Variants in ARL13B observed in about 807,000 individuals in gnomAD.
ARL13B encodes ADP-ribosylation factor-like protein 13B.
In ARL13B, 36 loss-of-function variants were observed where a neutral mutation model predicts 56.1. The observed-to-expected ratio is 0.64, with a 90% CI of 0.49 to 0.85. The LOEUF is 0.85. Among genes scored for constraint, ARL13B ranks in the 40% least tolerant of loss-of-function variants. The pLI is 0.00. For missense variants in ARL13B, 519 were observed against 507.1 expected (o/e 1.02, Z -0.23); for synonymous variants, 178 against 171.1 (o/e 1.04, Z -0.32).
intron 3 of ARL13B, among the ~76,000 whole-genome samples, chr3:94,035,096 G>C (rs925167645): frequency 6.6e-6 from 1 of 151,990 alleles, no homozygotes; most frequent in Admixed American, 6.6e-5. Context: ...AATTAGCCTC[G>C]CGTGGTGGCA....
At chr3:94,050,717 T>C (rs904043332) in intron 8 of ARL13B, 107 bp from the exon 9 acceptor site, 9 of 880,276 alleles carry the variant, frequency 1.0e-5, no homozygotes, top group African/African-American at 8.4e-5. Context: ...TATATTTGAA[T>C]TGACATTGAA....
Position 94,036,548 on chromosome 3 carries a change from T to A in ARL13B, c.487-4T>A, listed in dbSNP as rs746795765. 6.2e-7 allele frequency: 1 copy of A among 1,613,974 alleles called. No individual in the cohort carries two copies. The highest frequency in any genetic ancestry group is 1.1e-5 in the South Asian group (1 of 91,058). On this transcript the variant is annotated splice_region_variant and splice_polypyrimidine_tract_variant and intron_variant, in intron 4 of 9. Coordinates refer to ENST00000394222, the MANE Select transcript of ARL13B (RefSeq NM_001174150.2). ...TCTTTTAGTCAAATAAATTTCTGTT[T>A]TAGGAACCATGTTCAGCAATCTCGG...
At chr3:94,012,389 C>T (rs1017109179) in intron 3 of ARL13B, among the ~76,000 whole-genome samples, 2 of 152,158 alleles carry the variant, frequency 1.3e-5, no homozygotes, top group African/African-American at 4.8e-5. Flanking sequence ...TCTGACTTTT[C>T]CCATGTCAGG....
intron 3 of ARL13B, among the ~76,000 whole-genome samples, chr3:94,004,712 ATTT>A (rs1282787312): frequency 6.6e-6 from 1 of 151,994 alleles, no homozygotes; most frequent in Non-Finnish European, 1.5e-5. Flanking sequence ...GTAAATGAAC[ATTT>A]TTAAATGAGG....
At chr3:94,014,472 CTCT>C (rs2076285190) in intron 3 of ARL13B, 2 of 1,606,216 alleles carry the variant, frequency 1.2e-6, no homozygotes, top group Admixed American at 1.7e-5. Flanking sequence ...GTCCAAATTT[CTCT>C]TTAGTATTGT....
intron 3 of ARL13B, chr3:94,014,968 T>G: frequency 6.2e-7 from 1 of 1,614,044 alleles, no homozygotes; most frequent in South Asian, 1.1e-5. Context: ...GTATTCTGCC[T>G]GAATTTTTAT....
intron 3 of ARL13B, among the ~76,000 whole-genome samples, chr3:94,006,894 T>G (rs2076145066): frequency 6.6e-6 from 1 of 152,130 alleles, no homozygotes; most frequent in Admixed American, 6.5e-5. Flanking sequence ...AGAAAAGATG[T>G]TCAGCAGAAC....
rs551525558 is a variant in ARL13B, at chr3:94,021,665, T to G, written c.381-13666T>G. Among the ~76,000 whole-genome samples, 6 of 152,318 alleles carry G rather than the reference T, an allele frequency of 3.9e-5. No individual in the cohort carries two copies. The South Asian group carries it at 1.2e-3, about 32-fold the overall frequency. ...ATAAGAACTAGTCTTCTTTTCAGTATAGAGAAAATTTGATGTTAAAGTAGG... is the reference window on the plus strand; with the variant it reads ...ATAAGAACTAGTCTTCTTTTCAGTAGAGAGAAAATTTGATGTTAAAGTAGG... On this transcript the variant is annotated intron_variant, in intron 3 of 9. Transcript: ENST00000394222.
At chr3:94,026,807 A>G (rs2107049662) in intron 3 of ARL13B, among the ~76,000 whole-genome samples, 1 of 152,164 alleles carries the variant, frequency 6.6e-6, no homozygotes, top group East Asian at 1.9e-4. Flanking sequence ...GCATTGCTAT[A>G]CAGTTTTGAA....
rs1246601589 is a variant in ARL13B at position 94,003,872 on chromosome 3, T to C, written c.344T>C (p.Leu115Pro). 1 of 1,613,412 alleles carries C rather than the reference T, an allele frequency of 6.2e-7. No homozygotes were observed. The highest frequency in any genetic ancestry group is 1.1e-5 in the South Asian group (1 of 91,068). Residue 115 changes from leucine (L) to proline (P), a missense_variant, in exon 3 of 10, where the codon CTA becomes CCA. Physicochemically the swap from Leu to Pro is moderately conservative, Grantham distance 98. Coordinates refer to ENST00000394222, the MANE Select transcript of ARL13B (RefSeq NM_001174150.2). The stretch of plus-strand genomic sequence containing the variant: ...ACAAAAGAGGCTATGTCAGAAATGC[T>C]AAGACATCCTAGGATATCGGGAAAG... ...EETKEAMSEM[L>P]RHPRISGKPI... is the part of the protein sequence containing the mutation.
Position 94,007,999 on chromosome 3 carries a change from A to G in ARL13B, c.380+4091A>G, listed in dbSNP as rs547084758. On this transcript the variant is annotated intron_variant, in intron 3 of 9. Coordinates refer to ENST00000394222, the MANE Select transcript of ARL13B (RefSeq NM_001174150.2). Reference sequence around the variant, plus strand: ...CTGTGAATTTGTTGATAACCCTGATAAGTCACTTTACTTCTTTGGGCTTAG... The same window carrying G: ...CTGTGAATTTGTTGATAACCCTGATGAGTCACTTTACTTCTTTGGGCTTAG... 1.5e-3 allele frequency among the ~76,000 whole-genome samples: 221 copies of G among 152,268 alleles called. 1 individual carries two copies. Among genetic ancestry groups the G allele is most frequent in the African/African-American group, 5.0e-3 (209 of 41,556 alleles).
intron 1 of ARL13B, among the ~76,000 whole-genome samples, chr3:93,985,605 A>T (rs1287532731): frequency 6.6e-6 from 1 of 152,182 alleles, no homozygotes; most frequent in Non-Finnish European, 1.5e-5. Flanking sequence ...TTTTACTGTT[A>T]TTTAACCAAA....
intron 2 of ARL13B, chr3:93,996,741 T>C (rs879631704): frequency 1.7e-5 from 4 of 230,968 alleles, no homozygotes; most frequent in Non-Finnish European, 3.0e-5. Context: ...CTAGTGACTT[T>C]GTTGGGCACC....
At chr3:94,027,412 ATTAAC>A (rs1202339625) in intron 3 of ARL13B, among the ~76,000 whole-genome samples, 1 of 152,110 alleles carries the variant, frequency 6.6e-6, no homozygotes, top group African/African-American at 2.4e-5. Flanking sequence ...AACTTATTGA[ATTAAC>A]TTGTATAACA....
At chr3:93,992,967 A>ATTT (rs137978294) in intron 1 of ARL13B, among the ~76,000 whole-genome samples, 1 of 114,570 alleles carries the variant, frequency 8.7e-6, no homozygotes, top group Non-Finnish European at 1.9e-5. Flanking sequence ...TAATTTTTGT[A>ATTT]TTTTTTTTTT....
chr3:94,024,582 C>A (rs35775946), intron 3 of ARL13B, among the ~76,000 whole-genome samples: 1 of 151,900 alleles, frequency 6.6e-6, no homozygotes, highest in Non-Finnish European at 1.5e-5. Flanking sequence ...CTTTTTTGGG[C>A]GTGTTGTTTT....
chr3:94,003,537 A>C, intron 2 of ARL13B, 122 bp from the exon 3 acceptor site: 1 of 1,134,674 alleles, frequency 8.8e-7, no homozygotes, highest in Non-Finnish European at 1.3e-6. Flanking sequence ...ATGCTTCAAA[A>C]TAATGTTTAT....
chr3:93,996,716 A>G (rs1331234939), intron 2 of ARL13B: 2 of 366,452 alleles, frequency 5.5e-6, no homozygotes, highest in East Asian at 7.7e-5. Context: ...GTGCTACAAT[A>G]TAGCAGTATC....
intron 1 of ARL13B, among the ~76,000 whole-genome samples, chr3:93,992,874 A>G (rs959638465): frequency 1.3e-5 from 2 of 151,358 alleles, no homozygotes; most frequent in Non-Finnish European, 2.9e-5. Flanking sequence ...TCTCACTACA[A>G]CCTCTACCTC....
Sources: gnomAD v4.1 joint callset for allele counts (sites outside exome capture counted in the v4.1 genomes callset) on GRCh38, gnomAD v4.1.1 for gene constraint, MANE v1.5 for transcripts, NCBI Gene and HGNC (gene_info 2026-07-23, HGNC 2026-07-21) for gene names.